FHAD1: variants seen among roughly 807,000 people sequenced by gnomAD.
The protein encoded by FHAD1 is forkhead-associated domain-containing protein 1.
In FHAD1, 146 loss-of-function variants were observed where a neutral mutation model predicts 191.3. The observed-to-expected ratio is 0.76, with a 90% CI of 0.67 to 0.88. The LOEUF (loss-of-function observed/expected upper bound fraction) is 0.88. Among genes scored for constraint, FHAD1 ranks in the 40% least tolerant of loss-of-function variants. The pLI is 0.00. For synonymous variants in FHAD1, 616 were observed against 672.3 expected (o/e 0.92, Z 1.29); for missense variants, 1,635 against 1,785.8 (o/e 0.92, Z 1.52).
At chr1:15,372,476 G>T (rs574680957) in intron 26 of FHAD1, among the ~76,000 whole-genome samples, 1 of 152,132 alleles carries the variant, frequency 6.6e-6, no homozygotes, top group African/African-American at 2.4e-5. Context: ...GTATTTGTGC[G>T]CCTGTCTGTC....
At chr1:15,269,157 A>G (rs1006944215) in intron 2 of FHAD1, among the ~76,000 whole-genome samples, 1 of 151,880 alleles carries the variant, frequency 6.6e-6, no homozygotes, top group Non-Finnish European at 1.5e-5. Context: ...ATTGTCTTCA[A>G]TTTCATTCAT....
chr1:15,300,424 A>G (rs1485780875), intron 5 of FHAD1, among the ~76,000 whole-genome samples: 1 of 152,246 alleles, frequency 6.6e-6, no homozygotes, highest in African/African-American at 2.4e-5. Flanking sequence ...GAATAACAGA[A>G]GAGAGGAAAG....
At chr1:15,385,915 T>C (rs1455058401) in intron 31 of FHAD1, among the ~76,000 whole-genome samples, 1 of 152,268 alleles carries the variant, frequency 6.6e-6, no homozygotes, top group Admixed American at 6.5e-5. Flanking sequence ...GACTCTGGGA[T>C]GCCCTGGGTC....
At chr1:15,369,261 G>C in intron 25 of FHAD1, 109 bp from the exon 26 acceptor site, 1 of 1,269,846 alleles carries the variant, frequency 7.9e-7, no homozygotes, top group Non-Finnish European at 1.1e-6. Context: ...AGTCTCAAAA[G>C]AATTCTGTTT....
intron 26 of FHAD1, among the ~76,000 whole-genome samples, chr1:15,373,738 T>A (rs887362623): frequency 6.6e-6 from 1 of 152,080 alleles, no homozygotes; most frequent in Admixed American, 6.6e-5. Flanking sequence ...CACTTGTAGT[T>A]CCAGCTGCAG....
chr1:15,304,126 T>G (rs887249027), intron 6 of FHAD1, among the ~76,000 whole-genome samples: 3 of 152,210 alleles, frequency 2.0e-5, no homozygotes, highest in Admixed American at 6.5e-5. Context: ...CTCCTGAAAG[T>G]GTGTGCATAA....
At chr1:15,369,675 G>A (rs1424087726) in intron 26 of FHAD1, among the ~76,000 whole-genome samples, 173 bp downstream of exon 26, 1 of 152,232 alleles carries the variant, frequency 6.6e-6, no homozygotes, top group African/African-American at 2.4e-5. Context: ...GTCACCAGAG[G>A]TCACAGCTGT....
Position 15,281,693 on chromosome 1 carries a change from G to A in FHAD1, c.301-7706G>A, listed in dbSNP as rs563745391. Among the ~76,000 whole-genome samples the A allele has an allele frequency of 4.7e-5, 7 of 149,812 alleles. No homozygotes were observed. The East Asian group carries it at 9.8e-4, about 21-fold the overall frequency. On this transcript the variant is annotated intron_variant, in intron 3 of 33. Transcript: ENST00000688493. ...TAAAAATCGCTTGAACCCAGGAGAC[G>A]GAGGTTGCAGTGAGCTAAAATCGCG...
At position 15,327,271 on chromosome 1, in the gene FHAD1, C is replaced by T. The variant is rs1191926715; in HGVS notation, c.1557+129C>T. 4.9e-6 allele frequency: 3 copies of T among 610,856 alleles called. No individual in the cohort carries two copies. Among genetic ancestry groups the T allele is most frequent in the Non-Finnish European group, 8.7e-6 (3 of 344,092 alleles). 37.8% of individuals were successfully genotyped at this position (610,856 alleles called of 1,614,324 possible). A position where few individuals can be genotyped will look rare whatever the true frequency, so the allele number is the denominator to read the frequency against. ...TGGCATATTTTTCACACTGTTGCTACACCATAAAGATTTGTTTTGATTTTA... is the reference window on the plus strand; with the variant it reads ...TGGCATATTTTTCACACTGTTGCTATACCATAAAGATTTGTTTTGATTTTA... On this transcript the variant is annotated intron_variant, in intron 12 of 33. Transcript: ENST00000688493. The surrounding 1 kb of genome is among the most constrained non-coding windows in gnomAD (Gnocchi z 5.1).
rs1679177850 is a variant in FHAD1 at position 15,327,434 on chromosome 1, G to A, written c.1557+292G>A. ...CGCCTCCATTAGCACTGGGAGAAAGGGAGCCGCCTCCCCACAGCCAGTGCG... is the reference window on the plus strand; with the variant it reads ...CGCCTCCATTAGCACTGGGAGAAAGAGAGCCGCCTCCCCACAGCCAGTGCG... On this transcript the variant is annotated intron_variant, in intron 12 of 33. Coordinates refer to ENST00000688493, the MANE Select transcript of FHAD1 (RefSeq NM_001391957.1). This position sits in a 1 kb window ranked among gnomAD's most constrained non-coding sequence, Gnocchi z 5.1. The A allele has an allele frequency of 3.3e-6, 1 of 303,506 alleles. No homozygotes were observed. The highest frequency in any genetic ancestry group is 6.1e-6 in the Non-Finnish European group (1 of 164,302). The allele number at this position is 303,506 out of a possible 1,614,324, so 18.8% of individuals were successfully genotyped here.
At chr1:15,254,127 A>G (rs1647123899) in intron 2 of FHAD1, among the ~76,000 whole-genome samples, 1 of 152,214 alleles carries the variant, frequency 6.6e-6, no homozygotes, top group Admixed American at 6.5e-5. Flanking sequence ...AAATCAAATA[A>G]AAAGAATCGT....
upstream of FHAD1, among the ~76,000 whole-genome samples, chr1:15,242,646 T>C (rs1352040292): frequency 6.6e-6 from 1 of 152,142 alleles, no homozygotes; most frequent in East Asian, 1.9e-4. Context: ...CTTATATCCA[T>C]ATCCACATAT....
At chr1:15,360,028 G>A (rs1446687365) in intron 21 of FHAD1, among the ~76,000 whole-genome samples, 2 of 152,254 alleles carry the variant, frequency 1.3e-5, no homozygotes, top group Non-Finnish European at 1.5e-5. Flanking sequence ...CAGGAGAATC[G>A]CTTGAACCCA....
intron 14 of FHAD1, among the ~76,000 whole-genome samples, chr1:15,332,131 CA>C (rs1323710111): frequency 6.6e-6 from 1 of 152,170 alleles, no homozygotes; most frequent in African/African-American, 2.4e-5. Flanking sequence ...AAAGCAAAAG[CA>C]AAACCAACAT....
chr1:15,244,510 G>T (rs377236941), upstream of FHAD1, among the ~76,000 whole-genome samples: 3 of 152,252 alleles, frequency 2.0e-5, no homozygotes, highest in African/African-American at 7.2e-5. The surrounding 1 kb of genome is among the most constrained non-coding windows in gnomAD (Gnocchi z 5.1). Context: ...AAGCATGGAG[G>T]GGTGGTGGTA....
chr1:15,265,594 A>G (rs1442195685), intron 2 of FHAD1, among the ~76,000 whole-genome samples: 1 of 152,196 alleles, frequency 6.6e-6, no homozygotes, highest in Non-Finnish European at 1.5e-5. Context: ...ACGGCTTGAC[A>G]GCTTCTGAGG....
chr1:15,328,327 G>A lies in FHAD1; in HGVS notation c.1608G>A (p.Gln536=), dbSNP rs1311111715. Residue 536 remains glutamine (Q), a synonymous_variant, in exon 13 of 34, where the codon CAG becomes CAA. Coordinates refer to ENST00000688493, the MANE Select transcript of FHAD1 (RefSeq NM_001391957.1). ...QVTEDNINFQ[Q]KKWTLQKETQ... is the part of the protein sequence containing the mutation. ...CTGAGGACAACATCAATTTTCAGCA[G>A]AAAAAGTGGACCCTCCAGAAAGAGA... is the stretch of plus-strand genomic sequence containing the variant. The A allele has an allele frequency of 1.9e-6, 3 of 1,541,342 alleles. No homozygotes were observed.
intron 32 of FHAD1, among the ~76,000 whole-genome samples, chr1:15,390,451 G>A (rs992038204): frequency 2.0e-5 from 3 of 149,338 alleles, no homozygotes; most frequent in Non-Finnish European, 3.0e-5. Flanking sequence ...AGTCCCACAC[G>A]CCACCAGCTT....
rs902407453 is a variant in FHAD1, at chr1:15,360,772, A to G, written c.2962+69A>G. On this transcript the variant is annotated intron_variant, in intron 22 of 33. Coordinates refer to ENST00000688493, the MANE Select transcript of FHAD1 (RefSeq NM_001391957.1). ...GGTTCTGATTGTCCGCTGGGTCCCAACAGGCTGATGGCTAAGAAAAAGGCC... is the reference window on the plus strand; with the variant it reads ...GGTTCTGATTGTCCGCTGGGTCCCAGCAGGCTGATGGCTAAGAAAAAGGCC... 10 of 1,290,522 alleles carry G rather than the reference A, an allele frequency of 7.7e-6. No homozygotes were observed. The African/African-American group carries it at 1.3e-4, about 17-fold the overall frequency. 79.9% of individuals were successfully genotyped at this position (1,290,522 alleles called of 1,614,324 possible). A position where few individuals can be genotyped will look rare whatever the true frequency, so the allele number is the denominator to read the frequency against.
Sources: allele counts gnomAD v4.1 joint callset (sites outside exome capture counted in the v4.1 genomes callset), GRCh38; gene constraint gnomAD v4.1.1; non-coding constraint Gnocchi (gnomAD v3.1); transcripts MANE v1.5; gene names NCBI Gene and HGNC (gene_info 2026-07-23, HGNC 2026-07-21).